DLG2: variants seen among roughly 807,000 people sequenced by gnomAD.
The protein encoded by DLG2 is disks large homolog 2.
In DLG2, 45 loss-of-function variants were observed where a neutral mutation model predicts 132.5. The observed-to-expected ratio is 0.34, with a 90% CI of 0.27 to 0.44. The LOEUF is 0.44. Ranked by LOEUF, DLG2 falls within the 20% of genes least tolerant of loss-of-function variation. DLG2 has a pLI of 1.00. For synonymous variants in DLG2, 424 were observed against 419.6 expected, an observed-to-expected ratio of 1.01 and a Z score of -0.13; for missense variants, 1,045 against 1,196.9, an observed-to-expected ratio of 0.87 and a Z score of 1.87.
chr11:84,506,221 G>A (rs900783005), intron 7 of DLG2, among the ~76,000 whole-genome samples: 1 of 150,942 alleles, frequency 6.6e-6, no homozygotes, highest in Non-Finnish European at 1.5e-5. Flanking sequence ...GACTACAGGC[G>A]CCCGCCACTG....
At chr11:84,493,464 C>A (rs1385704757) in intron 7 of DLG2, among the ~76,000 whole-genome samples, 1 of 152,098 alleles carries the variant, frequency 6.6e-6, no homozygotes, top group Non-Finnish European at 1.5e-5. Flanking sequence ...CCTCTCCAAC[C>A]AGCCCCTGCC....
chr11:84,118,473 T>C (rs1383795250), intron 9 of DLG2, among the ~76,000 whole-genome samples: 2 of 152,230 alleles, frequency 1.3e-5, no homozygotes, highest in African/African-American at 4.8e-5. Flanking sequence ...TAGAGTGAAG[T>C]ATAGCCTAAA....
At chr11:83,647,832 A>C (rs557142475) in intron 18 of DLG2, 1 of 152,314 alleles carries the variant, frequency 6.6e-6, no homozygotes, top group South Asian at 2.1e-4. Context: ...CTCAAAATTT[A>C]TATTTAATTC....
At chr11:84,366,413 C>A (rs2098682829) in intron 7 of DLG2, among the ~76,000 whole-genome samples, 1 of 151,492 alleles carries the variant, frequency 6.6e-6, no homozygotes, top group Non-Finnish European at 1.5e-5. Context: ...AACTAACGAG[C>A]AAAATCACCA....
At chr11:83,500,009 A>G (rs2094386382) in intron 21 of DLG2, among the ~76,000 whole-genome samples, 1 of 150,606 alleles carries the variant, frequency 6.6e-6, no homozygotes, top group African/African-American at 2.4e-5. Flanking sequence ...TACTTGGTGA[A>G]TAATGATCTA....
At chr11:85,200,441 A>G (rs557818702) in intron 4 of DLG2, among the ~76,000 whole-genome samples, 2 of 152,264 alleles carry the variant, frequency 1.3e-5, no homozygotes, top group African/African-American at 2.4e-5. Context: ...AGATTTGTTC[A>G]TATCTCACAG....
chr11:84,994,493 C>T (rs1257833124), intron 6 of DLG2, among the ~76,000 whole-genome samples: 1 of 152,112 alleles, frequency 6.6e-6, no homozygotes, highest in African/African-American at 2.4e-5. Context: ...TACACTGTTC[C>T]TCTAGACATG....
Position 83,583,934 on chromosome 11 carries a change from A to T in DLG2, c.1941-42076T>A, listed in dbSNP as rs114392085. ...CCCAAGAATGACAGAATTTTGGCTG[A>T]CTGGTCAGGCTCCATTGAATCATGA... On this transcript the variant is annotated intron_variant, in intron 19 of 27. Coordinates refer to ENST00000376104, the MANE Select transcript of DLG2 (RefSeq NM_001142699.3). 3.3e-3 allele frequency among the ~76,000 whole-genome samples: 500 copies of T among 152,302 alleles called. 5 individuals are homozygous for T. The highest frequency in any genetic ancestry group is 0.012 in the African/African-American group (484 of 41,570).
intron 8 of DLG2, among the ~76,000 whole-genome samples, chr11:84,236,939 T>G (rs1433771149): frequency 6.6e-6 from 1 of 151,532 alleles, no homozygotes; most frequent in East Asian, 1.9e-4. Flanking sequence ...TTTTTTGTTT[T>G]TTTTTTTGAG....
chr11:85,382,423 T>C (rs1444961784), intron 3 of DLG2, among the ~76,000 whole-genome samples: 2 of 151,642 alleles, frequency 1.3e-5, no homozygotes, highest in Non-Finnish European at 2.9e-5. Context: ...CCTTAGAAAA[T>C]AATATTAAGC....
intron 3 of DLG2, among the ~76,000 whole-genome samples, chr11:85,550,379 G>C (rs976582648): frequency 6.6e-6 from 1 of 152,240 alleles, no homozygotes; most frequent in East Asian, 1.9e-4. Context: ...CTGCCACGGG[G>C]CCTGCATGGA....
chr11:84,596,424 C>T (rs1372504510), intron 6 of DLG2, among the ~76,000 whole-genome samples: 8 of 147,038 alleles, frequency 5.4e-5, no homozygotes, highest in African/African-American at 1.8e-4. Context: ...GGTTTCGACA[C>T]GTTGGCCAGG....
intron 15 of DLG2, among the ~76,000 whole-genome samples, chr11:83,906,073 CTCTCTCTCTATA>C (rs1430484139): frequency 9.7e-6 from 1 of 103,310 alleles, no homozygotes; most frequent in Non-Finnish European, 1.9e-5. Flanking sequence ...CTCTCTCTCT[CTCTCTCTCTATA>C]TATATATATA....
At chr11:85,295,354 C>T (rs2079150876) in intron 3 of DLG2, among the ~76,000 whole-genome samples, 1 of 152,134 alleles carries the variant, frequency 6.6e-6, no homozygotes, top group African/African-American at 2.4e-5. Flanking sequence ...TGGTATTGCT[C>T]ATTGAAGACA....
chr11:83,903,315 A>T (rs1248619954), intron 15 of DLG2, among the ~76,000 whole-genome samples: 2 of 152,138 alleles, frequency 1.3e-5, no homozygotes, highest in African/African-American at 4.8e-5. Flanking sequence ...AATTTTTGAA[A>T]TAAGTAGGAA....
At chr11:85,407,681 T>G (rs1295476070) in intron 3 of DLG2, among the ~76,000 whole-genome samples, 1 of 151,758 alleles carries the variant, frequency 6.6e-6, no homozygotes, top group Non-Finnish European at 1.5e-5. Flanking sequence ...ACTACTGCAG[T>G]GGACAGCTGA....
rs71036455 is a variant in DLG2 at position 84,985,991 on chromosome 11, C to CAAAAAAA, written c.357+125663_357+125669dup. 3.2e-3 allele frequency among the ~76,000 whole-genome samples: 140 copies of CAAAAAAA among 44,248 alleles called. 2 individuals carry two copies. The highest frequency in any genetic ancestry group is 7.8e-3 in the East Asian group (9 of 1,154). The allele number at this position is 44,248 out of a possible 152,430, so 29.0% of individuals were successfully genotyped here. A position where few individuals can be genotyped will look rare whatever the true frequency, so the allele number is the denominator to read the frequency against. ...TGGGCAACGGAGCAAGACTCCGTCT[C>CAAAAAAA]AAAAAAAAAAAAAAAAAAAAAAAAA... On this transcript the variant is annotated intron_variant, in intron 6 of 27. Transcript: ENST00000376104.
chr11:83,638,110 G>A (rs1056102063), intron 18 of DLG2, among the ~76,000 whole-genome samples: 20 of 152,022 alleles, frequency 1.3e-4, no homozygotes, highest in African/African-American at 4.8e-4. Context: ...CTAAGCAAAC[G>A]TTTTAGAGGA....
chr11:84,720,546 C>T (rs952767675), intron 6 of DLG2: 1 of 945,876 alleles, frequency 1.1e-6, no homozygotes, highest in Non-Finnish European at 1.3e-6. Flanking sequence ...GTGGAAGCAA[C>T]GCCGCGGGCA....
Sources: allele counts gnomAD v4.1 joint callset (sites outside exome capture counted in the v4.1 genomes callset), GRCh38; gene constraint gnomAD v4.1.1; transcripts MANE v1.5; gene names NCBI Gene and HGNC (gene_info 2026-07-23, HGNC 2026-07-21).